DIP2C: variants seen among roughly 807,000 people sequenced by gnomAD.
The protein encoded by DIP2C is DIP2 acetate--CoA ligase C (putative), also known as disco-interacting protein 2 homolog C.
Under a neutral mutation model 192.4 loss-of-function variants are expected in DIP2C, and 33 were observed. That is an observed-to-expected ratio of 0.17 (90% CI 0.13 to 0.23). The LOEUF (loss-of-function observed/expected upper bound fraction) is 0.23, where lower values mean the gene tolerates loss of function less well. DIP2C is among the 10% of genes least tolerant of loss of function. DIP2C has a pLI of 1.00. For synonymous variants in DIP2C, 979 were observed against 864.1 expected (o/e 1.13, Z -2.33); for missense variants, 1,537 against 2,110.1 (o/e 0.73, Z 5.32).
intron 17 of DIP2C, among the ~76,000 whole-genome samples, chr10:378,622 C>A (rs1469856065): frequency 6.7e-6 from 1 of 148,282 alleles, no homozygotes; most frequent in African/African-American, 2.5e-5. Context: ...TGCATAAAGA[C>A]ACACGAACAC....
intron 1 of DIP2C, among the ~76,000 whole-genome samples, chr10:537,206 A>C (rs79223661): frequency 0.013 from 2,001 of 152,010 alleles, 48 homozygotes; most frequent in African/African-American, 0.046. Flanking sequence ...CCCCTGTGAC[A>C]ACCTCACCAC....
At chr10:605,005 C>T (rs551335929) in intron 1 of DIP2C, among the ~76,000 whole-genome samples, 1 of 152,330 alleles carries the variant, frequency 6.6e-6, no homozygotes, top group East Asian at 1.9e-4. Context: ...GAAGTGCAGA[C>T]ACATCAAAAG....
At chr10:488,909 A>T (rs963789053) in intron 1 of DIP2C, among the ~76,000 whole-genome samples, 1 of 152,200 alleles carries the variant, frequency 6.6e-6, no homozygotes, top group Non-Finnish European at 1.5e-5. Context: ...CCACACACAC[A>T]GACGTCTGTG....
chr10:517,853 G>A (rs553080335), intron 1 of DIP2C, among the ~76,000 whole-genome samples: 54 of 151,154 alleles, frequency 3.6e-4, no homozygotes, highest in Non-Finnish European at 5.0e-4. Context: ...AGAGGGTCCT[G>A]TAACCCTCAG....
intron 4 of DIP2C, chr10:430,556 G>A (rs1198105366): frequency 2.0e-5 from 3 of 152,206 alleles, no homozygotes; most frequent in East Asian, 1.9e-4. Context: ...ACTTTTAAGA[G>A]TTCCTTGTAT....
At chr10:619,227 T>A (rs1285640022) in intron 1 of DIP2C, among the ~76,000 whole-genome samples, 1 of 152,230 alleles carries the variant, frequency 6.6e-6, no homozygotes, top group East Asian at 1.9e-4. Context: ...CTTCGTGGGC[T>A]AGTTTTACTA....
At chr10:347,397 C>G (rs539392883) in intron 26 of DIP2C, among the ~76,000 whole-genome samples, 164 of 149,868 alleles carry the variant, frequency 1.1e-3, no homozygotes, top group African/African-American at 4.0e-3. Flanking sequence ...AAACGTCACA[C>G]GCACCCGGAC....
chr10:476,999 G>A (rs1244381552), intron 2 of DIP2C, among the ~76,000 whole-genome samples: 5 of 107,840 alleles, frequency 4.6e-5, no homozygotes, highest in East Asian at 2.9e-4. Context: ...TCCCACAGAG[G>A]GCTGGAACAT....
chr10:617,526 C>G (rs1372328459), intron 1 of DIP2C, among the ~76,000 whole-genome samples: 2 of 152,162 alleles, frequency 1.3e-5, no homozygotes, highest in Non-Finnish European at 2.9e-5. Context: ...AGGGCCAACT[C>G]CCAACAGTAG....
At position 379,739 on chromosome 10, in the gene DIP2C, T is replaced by C. The variant is rs1962157130; in HGVS notation, c.1991+2908A>G. Among the ~76,000 whole-genome samples the C allele has an allele frequency of 2.6e-5, 4 of 152,266 alleles. 1 individual carries two copies. The South Asian group carries it at 8.3e-4, about 31-fold the overall frequency. On this transcript the variant is annotated intron_variant, in intron 17 of 36. Transcript: ENST00000280886. ...TTCTACTGCAGATAATCGTTATCCT[T>C]TTTAAATTAAGTGGACTGAAAGCCA...
At chr10:662,193 C>T (rs1483129905) in intron 1 of DIP2C, 3 of 702,212 alleles carry the variant, frequency 4.3e-6, no homozygotes, top group South Asian at 1.6e-5. Flanking sequence ...TATCTATACA[C>T]AAAGAGTACA....
At chr10:594,706 G>C (rs1002272483) in intron 1 of DIP2C, among the ~76,000 whole-genome samples, 1 of 152,086 alleles carries the variant, frequency 6.6e-6, no homozygotes, top group Non-Finnish European at 1.5e-5. Context: ...CCTAGTGAAG[G>C]GCAGGTCTCG....
chr10:587,456 T>A (rs916157911), intron 1 of DIP2C, among the ~76,000 whole-genome samples: 14 of 152,206 alleles, frequency 9.2e-5, no homozygotes, highest in African/African-American at 3.4e-4. Flanking sequence ...GGTCACCCCA[T>A]GTGAAATCCA....
intron 2 of DIP2C, among the ~76,000 whole-genome samples, chr10:479,772 T>C (rs191804415): frequency 1.6e-4 from 24 of 152,358 alleles, no homozygotes. Context: ...TTGTCAGTGA[T>C]CCAGGGACGG....
intron 1 of DIP2C, among the ~76,000 whole-genome samples, chr10:655,553 G>C (rs555189605): frequency 6.6e-6 from 1 of 152,166 alleles, no homozygotes; most frequent in South Asian, 2.1e-4. Context: ...TCCACACTAT[G>C]CTATGTAATA....
At chr10:286,157 C>T (rs1372650272) in intron 34 of DIP2C, 116 bp downstream of exon 34, 4 of 922,060 alleles carry the variant, frequency 4.3e-6, no homozygotes, top group Non-Finnish European at 6.9e-6. Flanking sequence ...ATAACTCACT[C>T]AGCTCAAACC....
At chr10:569,504 G>A (rs551687886) in intron 1 of DIP2C, among the ~76,000 whole-genome samples, 1 of 152,230 alleles carries the variant, frequency 6.6e-6, no homozygotes, top group East Asian at 1.9e-4. Flanking sequence ...AAACTCAAAC[G>A]CAAAATAACA....
chr10:367,078 T>C (rs962441489), intron 18 of DIP2C, among the ~76,000 whole-genome samples: 5 of 152,214 alleles, frequency 3.3e-5, no homozygotes, highest in Non-Finnish European at 7.3e-5. Context: ...CCCGCTGGGC[T>C]GGAGTACAGA....
intron 1 of DIP2C, among the ~76,000 whole-genome samples, chr10:530,967 C>G (rs533325381): frequency 3.3e-5 from 5 of 152,290 alleles, no homozygotes; most frequent in Admixed American, 3.3e-4. Context: ...CCAGACACCC[C>G]ACCCTGGGAC....
Sources: allele counts gnomAD v4.1 joint callset (sites outside exome capture counted in the v4.1 genomes callset), GRCh38; gene constraint gnomAD v4.1.1; transcripts MANE v1.5; gene names NCBI Gene and HGNC (gene_info 2026-07-23, HGNC 2026-07-21).